HHLA1: variants seen among roughly 807,000 people sequenced by gnomAD.
HHLA1 encodes the protein HHLA1 neighbor of OC90, also known as HERV-H LTR-associating protein 1.
Under a neutral mutation model 69.9 loss-of-function variants are expected in HHLA1, and 72 were observed. That is an observed-to-expected ratio of 1.03 (90% CI 0.85 to 1.25). The LOEUF (loss-of-function observed/expected upper bound fraction) is 1.25. Ranked by LOEUF, HHLA1 falls within the 50% of genes most tolerant of loss-of-function variation. HHLA1 has a pLI of 0.00. For missense variants in HHLA1, 685 were observed against 642.2 expected (o/e 1.07, Z -0.72); for synonymous variants, 252 against 233.2 (o/e 1.08, Z -0.73).
rs539606123 is a variant in HHLA1 at position 132,080,365 on chromosome 8, G to A, written c.677-399C>T. The stretch of plus-strand genomic sequence containing the variant: ...AGTGAAGGGAGATAAGGGTGGGGCC[G>A]TTTTATAGGATTTGGGTAGGTAAAG... On this transcript the variant is annotated intron_variant, in intron 10 of 16. Coordinates refer to ENST00000414222, the MANE Select transcript of HHLA1 (RefSeq NM_001145095.3). 1.6e-3 allele frequency: 542 copies of A among 340,066 alleles called. 1 individual carries two copies. The highest frequency in any genetic ancestry group is 7.5e-3 in the Middle Eastern group (7 of 932). 21.1% of individuals were successfully genotyped at this position (340,066 alleles called of 1,614,324 possible). A position where few individuals can be genotyped will look rare whatever the true frequency, so the allele number is the denominator to read the frequency against.
chr8:132,084,682 G>A (rs1351590039), intron 10 of HHLA1, among the ~76,000 whole-genome samples: 1 of 151,832 alleles, frequency 6.6e-6, no homozygotes, highest in African/African-American at 2.4e-5. Flanking sequence ...ACAGGCTAAG[G>A]GATAAGAAGG....
At chr8:132,081,556 C>T (rs1013204750) in intron 10 of HHLA1, among the ~76,000 whole-genome samples, 8 of 152,172 alleles carry the variant, frequency 5.3e-5, no homozygotes, top group African/African-American at 1.7e-4. Context: ...AATAAAGGCT[C>T]ATCTGTTATC....
At position 132,079,783 on chromosome 8, in the gene HHLA1, G is replaced by T; in HGVS notation, c.860C>A (p.Pro287His). Residue 287 changes from proline to histidine, a missense_variant, in exon 11 of 17, where the codon CCT becomes CAT. By Grantham distance (77) the Pro-to-His change is moderately conservative. Coordinates refer to ENST00000414222, the MANE Select transcript of HHLA1 (RefSeq NM_001145095.3). ...ETEETLNTGR[P>H]PELPARATAT... is the part of the protein sequence containing the mutation. Reference sequence around the variant, plus strand: ...TGTGGCCCTGGCTGGAAGCTCAGGAGGCCTGCCTGTGTTCAGGGTCTCCTC... The same window carrying T: ...TGTGGCCCTGGCTGGAAGCTCAGGATGCCTGCCTGTGTTCAGGGTCTCCTC... 1.3e-6 allele frequency: 2 copies of T among 1,551,714 alleles called. No homozygotes were observed. The highest frequency in any genetic ancestry group is 1.2e-5 in the South Asian group (1 of 84,060).
At chr8:132,068,251 C>A (rs140178140) in intron 15 of HHLA1, among the ~76,000 whole-genome samples, 3 of 152,200 alleles carry the variant, frequency 2.0e-5, no homozygotes, top group Admixed American at 1.3e-4. Flanking sequence ...CAAAAAGCTG[C>A]CATTCTGTGC....
intron 16 of HHLA1, 105 bp downstream of exon 16, chr8:132,065,781 G>A (rs1427030370): frequency 2.3e-5 from 11 of 477,638 alleles, no homozygotes; most frequent in Non-Finnish European, 4.0e-5. Flanking sequence ...AGGACTAGAT[G>A]AGCTACAGCA....
At chr8:132,067,751 C>T (rs895878514) in intron 15 of HHLA1, among the ~76,000 whole-genome samples, 1 of 152,216 alleles carries the variant, frequency 6.6e-6, no homozygotes, top group Admixed American at 6.5e-5. Flanking sequence ...GAGACTGCTG[C>T]TACCCTTTTA....
At chr8:132,107,865 A>C (rs2130903253) in intron 1 of HHLA1, among the ~76,000 whole-genome samples, 1 of 152,310 alleles carries the variant, frequency 6.6e-6, no homozygotes. Flanking sequence ...GGAACACTTC[A>C]GACTGGCTAG....
chr8:132,109,152 G>C (rs898039773), intron 1 of HHLA1, among the ~76,000 whole-genome samples: 1 of 152,152 alleles, frequency 6.6e-6, no homozygotes, highest in African/African-American at 2.4e-5. Context: ...GATTACAGGT[G>C]CCCACCACCA....
At chr8:132,106,121 T>A (rs1418499273) in intron 1 of HHLA1, among the ~76,000 whole-genome samples, 2 of 152,178 alleles carry the variant, frequency 1.3e-5, no homozygotes, top group Non-Finnish European at 2.9e-5. Context: ...GTAATGACAA[T>A]TTAAATACAG....
Position 132,063,656 on chromosome 8 carries a change from G to A in HHLA1, c.*339C>T, listed in dbSNP as rs545817839. 49 of 165,494 alleles carry A rather than the reference G, an allele frequency of 3.0e-4. No homozygotes were observed. Among genetic ancestry groups the A allele is most frequent in the Admixed American group, 4.1e-4 (7 of 17,078 alleles). The allele number at this position is 165,494 out of a possible 1,614,324, so 10.3% of individuals were successfully genotyped here. The stretch of plus-strand genomic sequence containing the variant: ...GGTTTGTGCAGGCTAGAGTGCCCAC[G>A]CATCCCCAGTTTTTAAATTGTCAGG... On this transcript the variant is annotated 3_prime_UTR_variant, in exon 17 of 17. Coordinates refer to ENST00000414222, the MANE Select transcript of HHLA1 (RefSeq NM_001145095.3).
chr8:132,079,712 T>C lies in HHLA1; in HGVS notation c.925+6A>G. On this transcript the variant is annotated splice_donor_region_variant and intron_variant, in intron 11 of 16. Transcript: ENST00000414222. ...AAGGGGAGGAAAGGGTGAGAATGCATCTTACCCAAGGCTGGGAGAGTGTGG... is the reference window on the plus strand; with the variant it reads ...AAGGGGAGGAAAGGGTGAGAATGCACCTTACCCAAGGCTGGGAGAGTGTGG... 6.5e-7 allele frequency: 1 copy of C among 1,541,750 alleles called. No homozygotes were observed. The highest frequency in any genetic ancestry group is 1.4e-5 in the African/African-American group (1 of 72,782).
chr8:132,098,520 G>A (rs747985783), intron 5 of HHLA1, among the ~76,000 whole-genome samples: 3 of 152,092 alleles, frequency 2.0e-5, no homozygotes, highest in Non-Finnish European at 2.9e-5. Context: ...GGAATGCAGT[G>A]GCATTACCAC....
chr8:132,095,646 A>G (rs10956634), intron 6 of HHLA1, 44 bp from the exon 7 acceptor site: 1,442,426 of 1,524,538 alleles, frequency 0.95, 683,679 homozygotes, highest in Middle Eastern at 0.97. Context: ...CACACAGACC[A>G]GCCCTGCAAC....
chr8:132,076,395 C>T lies in HHLA1; in HGVS notation c.1240+80G>A, dbSNP rs1823640277. The T allele has an allele frequency of 5.0e-6, 5 of 992,642 alleles. No individual in the cohort carries two copies. The South Asian group carries it at 8.0e-5, about 16-fold the overall frequency. 61.5% of individuals were successfully genotyped at this position (992,642 alleles called of 1,614,324 possible). On this transcript the variant is annotated intron_variant, in intron 13 of 16. Transcript: ENST00000414222. ...TTAGATTGCTTACTGGTACCCCATCCCACCACGCCCTTGTCCCCAAGCTTC... is the reference window on the plus strand; with the variant it reads ...TTAGATTGCTTACTGGTACCCCATCTCACCACGCCCTTGTCCCCAAGCTTC...
At chr8:132,088,259 A>T (rs766218910) in intron 8 of HHLA1, among the ~76,000 whole-genome samples, 14 of 152,206 alleles carry the variant, frequency 9.2e-5, no homozygotes, top group Non-Finnish European at 1.5e-4. Flanking sequence ...TGTAATTCCC[A>T]AATGCCCACA....
intron 7 of HHLA1, among the ~76,000 whole-genome samples, chr8:132,091,460 C>G (rs767190665): frequency 2.0e-5 from 3 of 152,194 alleles, no homozygotes; most frequent in Non-Finnish European, 2.9e-5. Context: ...TTCCACTATT[C>G]CCGGTATTCT....
At chr8:132,067,294 T>C (rs1380752409) in intron 15 of HHLA1, among the ~76,000 whole-genome samples, 1 of 152,186 alleles carries the variant, frequency 6.6e-6, no homozygotes, top group Non-Finnish European at 1.5e-5. Flanking sequence ...TCTCAGTATC[T>C]TCTATGGGAT....
intron 15 of HHLA1, among the ~76,000 whole-genome samples, chr8:132,068,888 A>G (rs1219511442): frequency 6.6e-6 from 1 of 152,158 alleles, no homozygotes; most frequent in Non-Finnish European, 1.5e-5. Context: ...TGGGAGGGAG[A>G]TGATATGAAG....
intron 13 of HHLA1, 28 bp downstream of exon 13, chr8:132,076,447 A>AAC: frequency 7.8e-7 from 1 of 1,280,506 alleles, no homozygotes; most frequent in Non-Finnish European, 1.1e-6. Flanking sequence ...CCACCCCCAA[A>AAC]CCCCCACTTC....
Sources: gnomAD v4.1 joint callset for allele counts (sites outside exome capture counted in the v4.1 genomes callset) on GRCh38, gnomAD v4.1.1 for gene constraint, MANE v1.5 for transcripts, NCBI Gene and HGNC (gene_info 2026-07-23, HGNC 2026-07-21) for gene names.